The following CLUL1 variants were observed in gnomAD, a reference collection of about 807,000 sequenced individuals.
CLUL1 encodes clusterin like 1, also known as clusterin-like protein 1.
A neutral mutation model predicts 49.4 loss-of-function variants in CLUL1; 43 were observed. That is an observed-to-expected ratio of 0.87 (90% CI 0.68 to 1.12). The LOEUF is 1.12. Ranked by LOEUF, CLUL1 falls within the 50% of genes most tolerant of loss-of-function variation. CLUL1 has a pLI of 0.00. For synonymous variants in CLUL1, 192 were observed against 184.9 expected, an observed-to-expected ratio of 1.04 and a Z score of -0.31; for missense variants, 486 against 544.4, an observed-to-expected ratio of 0.89 and a Z score of 1.07.
At chr18:631,889 T>C (rs2144107770) in intron 6 of CLUL1, among the ~76,000 whole-genome samples, 1 of 152,202 alleles carries the variant, frequency 6.6e-6, no homozygotes, top group East Asian at 1.9e-4. Flanking sequence ...CTGGAAATTC[T>C]CACAGGGGGC....
At chr18:631,364 G>C (rs989739924) in intron 6 of CLUL1, among the ~76,000 whole-genome samples, 1 of 120,364 alleles carries the variant, frequency 8.3e-6, no homozygotes, top group African/African-American at 3.1e-5. Context: ...ACTGTAGCTT[G>C]ACCCGTGCGG....
intron 7 of CLUL1, among the ~76,000 whole-genome samples, chr18:639,430 C>CAAAAAA (rs11357641): frequency 2.8e-5 from 2 of 71,948 alleles, no homozygotes; most frequent in Admixed American, 1.8e-4. Flanking sequence ...GACTCCATCT[C>CAAAAAA]AAAAAAAAAA....
chr18:645,221 A>G (rs896721204), intron 9 of CLUL1, 124 bp downstream of exon 9: 1 of 659,754 alleles, frequency 1.5e-6, no homozygotes, highest in African/African-American at 1.9e-5. Context: ...AAGACATGAA[A>G]ACAAACAAGA....
At chr18:608,124 G>C (rs1405113488) in intron 2 of CLUL1, among the ~76,000 whole-genome samples, 1 of 152,166 alleles carries the variant, frequency 6.6e-6, no homozygotes, top group East Asian at 1.9e-4. Context: ...TGCTCTGTCT[G>C]TGGCTGCCCG....
intron 7 of CLUL1, among the ~76,000 whole-genome samples, chr18:638,000 A>C (rs1215792799): frequency 1.3e-5 from 2 of 152,032 alleles, no homozygotes; most frequent in African/African-American, 4.8e-5. Context: ...CAGATAAATA[A>C]AATTTAAAAA....
intron 5 of CLUL1, among the ~76,000 whole-genome samples, 153 bp from the exon 6 acceptor site, chr18:626,944 A>AGAAAG (rs2073784728): frequency 3.3e-4 from 1 of 3,022 alleles, no homozygotes; most frequent in African/African-American, 6.6e-4. Context: ...AGAAGGAAAG[A>AGAAAG]AGGAAGGAAG....
chr18:641,808 C>G (rs1161740114), intron 8 of CLUL1, among the ~76,000 whole-genome samples: 2 of 152,130 alleles, frequency 1.3e-5, no homozygotes, highest in Non-Finnish European at 2.9e-5. Flanking sequence ...AGGGCTATAA[C>G]TGATAGAGGT....
chr18:612,573 G>T (rs761399349), intron 2 of CLUL1, among the ~76,000 whole-genome samples: 1 of 152,196 alleles, frequency 6.6e-6, no homozygotes, highest in Non-Finnish European at 1.5e-5. Context: ...TGAAAATTGT[G>T]TAGCTGGCTC....
chr18:609,028 C>T (rs896547640), intron 2 of CLUL1, among the ~76,000 whole-genome samples: 2 of 152,066 alleles, frequency 1.3e-5, no homozygotes, highest in African/African-American at 2.4e-5. Context: ...GTTTCAGGTT[C>T]TGGATGTTTT....
Position 645,058 on chromosome 18 carries a change from C to T in CLUL1, c.1358C>T (p.Ala453Val). The T allele has an allele frequency of 6.2e-7, 1 of 1,610,222 alleles. No homozygotes were observed. The highest frequency in any genetic ancestry group is 1.3e-5 in the African/African-American group (1 of 74,890). Reference sequence around the variant, plus strand: ...TCTAACTTCATTGGCTACGTAGTGGCAAAAGCTCTACAGCATTTTAAGGAA... The same window carrying T: ...TCTAACTTCATTGGCTACGTAGTGGTAAAAGCTCTACAGCATTTTAAGGAA... ...ESSNFIGYVVAKALQHFKEHF... is the reference protein window; with the variant it reads ...ESSNFIGYVVVKALQHFKEHF... Residue 453 changes from alanine (A) to valine (V), a missense_variant, in exon 9 of 10, where the codon GCA becomes GTA. By Grantham distance (64) the Ala-to-Val change is moderately conservative. Transcript: ENST00000692774.
chr18:638,860 GA>G (rs543461487), intron 7 of CLUL1, among the ~76,000 whole-genome samples: 35 of 142,984 alleles, frequency 2.4e-4, no homozygotes, highest in Non-Finnish European at 3.1e-4. Context: ...TTTGTCTCAG[GA>G]AAAAAAAAAA....
intron 7 of CLUL1, among the ~76,000 whole-genome samples, chr18:638,201 A>G (rs2074212726): frequency 6.6e-6 from 1 of 152,238 alleles, no homozygotes; most frequent in Non-Finnish European, 1.5e-5. Context: ...AAGGTTATAT[A>G]CAGAAGCATA....
At chr18:631,908 G>A (rs557858945) in intron 6 of CLUL1, among the ~76,000 whole-genome samples, 4 of 152,122 alleles carry the variant, frequency 2.6e-5, no homozygotes, top group Non-Finnish European at 5.9e-5. Context: ...GCTATACAGG[G>A]CAAAGAAGAG....
At chr18:633,918 A>C (rs558786782) in intron 7 of CLUL1, among the ~76,000 whole-genome samples, 1 of 152,276 alleles carries the variant, frequency 6.6e-6, no homozygotes, top group African/African-American at 2.4e-5. Context: ...TAAGTTTAAA[A>C]GTAGAAGGCA....
At chr18:628,245 C>T (rs1413847514) in intron 6 of CLUL1, among the ~76,000 whole-genome samples, 5 of 152,248 alleles carry the variant, frequency 3.3e-5, no homozygotes, top group African/African-American at 9.6e-5. Flanking sequence ...CCCACTCTCA[C>T]ATATAACCAG....
At chr18:641,043 T>A (rs568339438) in intron 7 of CLUL1, among the ~76,000 whole-genome samples, 1 of 152,160 alleles carries the variant, frequency 6.6e-6, no homozygotes, top group Non-Finnish European at 1.5e-5. Flanking sequence ...TTTTGGCAAA[T>A]TTTTTCTTAA....
intron 7 of CLUL1, among the ~76,000 whole-genome samples, chr18:634,357 C>T (rs2144125288): frequency 6.6e-6 from 1 of 152,296 alleles, no homozygotes; most frequent in African/African-American, 2.4e-5. Flanking sequence ...TGGTCTCGAA[C>T]TCCTGACCTT....
At chr18:633,776 T>C (rs759483432) in intron 7 of CLUL1, among the ~76,000 whole-genome samples, 66 of 148,798 alleles carry the variant, frequency 4.4e-4, no homozygotes, top group Non-Finnish European at 8.2e-4. Context: ...GAGGGAAAAA[T>C]GGTTATGACA....
intron 6 of CLUL1, among the ~76,000 whole-genome samples, chr18:628,288 A>G (rs952104571): frequency 2.0e-5 from 3 of 152,236 alleles, no homozygotes; most frequent in East Asian, 1.9e-4. Flanking sequence ...AATCACTACA[A>G]TCATTCCTTA....
Sources: allele counts gnomAD v4.1 joint callset (sites outside exome capture counted in the v4.1 genomes callset), GRCh38; gene constraint gnomAD v4.1.1; transcripts MANE v1.5; gene names NCBI Gene and HGNC (gene_info 2026-07-23, HGNC 2026-07-21).